The following TMEM131 variants were observed in gnomAD, a reference collection of about 807,000 sequenced individuals.
TMEM131 encodes the protein transmembrane protein 131, also known as 2610524E03Rik.
TMEM131 carries 66 observed loss-of-function variants against 211.6 expected under a neutral mutation model. That is an observed-to-expected ratio of 0.31 (90% CI 0.26 to 0.38). TMEM131 has a LOEUF of 0.38. TMEM131 is among the 10% of genes least tolerant of loss of function. The pLI is 1.00. For synonymous variants in TMEM131, 844 were observed against 841.3 expected, an observed-to-expected ratio of 1.00 and a Z score of -0.06; for missense variants, 2,036 against 2,299.3, an observed-to-expected ratio of 0.89 and a Z score of 2.34.
intron 31 of TMEM131, 40 bp from the exon 32 acceptor site, chr2:97,776,058 TTTC>T (rs1205699143): frequency 6.3e-7 from 1 of 1,579,762 alleles, no homozygotes; most frequent in Admixed American, 1.9e-5. Flanking sequence ...CTTGTTTTTG[TTTC>T]TTTTTTTTTT....
At chr2:97,850,106 AAAAAC>A in intron 5 of TMEM131, among the ~76,000 whole-genome samples, 1 of 152,220 alleles carries the variant, frequency 6.6e-6, no homozygotes, top group South Asian at 2.1e-4. Flanking sequence ...GCAGTATGAA[AAAAAC>A]AAAACAAAAC....
intron 1 of TMEM131, among the ~76,000 whole-genome samples, chr2:97,963,776 T>C (rs1443351466): frequency 6.6e-6 from 1 of 152,212 alleles, no homozygotes; most frequent in Non-Finnish European, 1.5e-5. Flanking sequence ...CCCTTTGTTG[T>C]TGTTGTTATA....
At chr2:97,820,263 T>C (rs1385728078) in intron 11 of TMEM131, among the ~76,000 whole-genome samples, 2 of 152,248 alleles carry the variant, frequency 1.3e-5, no homozygotes, top group Non-Finnish European at 2.9e-5. Context: ...TACTTATCAA[T>C]AAGTTTGCTG....
chr2:97,844,944 G>A (rs1303857917), intron 5 of TMEM131, among the ~76,000 whole-genome samples: 2 of 152,036 alleles, frequency 1.3e-5, no homozygotes, highest in Non-Finnish European at 2.9e-5. Flanking sequence ...TCTATGGCTA[G>A]AACTCTAAAA....
At chr2:97,835,820 C>A (rs1682914920) in intron 8 of TMEM131, among the ~76,000 whole-genome samples, 1 of 152,154 alleles carries the variant, frequency 6.6e-6, no homozygotes. Flanking sequence ...GAGGTCACAG[C>A]CCATTGGCTT....
chr2:97,813,652 C>T (rs1031638540), intron 15 of TMEM131, among the ~76,000 whole-genome samples: 1 of 152,126 alleles, frequency 6.6e-6, no homozygotes, highest in African/African-American at 2.4e-5. Flanking sequence ...TATTCTTTTT[C>T]TACCTATCAT....
intron 11 of TMEM131, among the ~76,000 whole-genome samples, chr2:97,832,816 A>G (rs1682771338): frequency 6.6e-6 from 1 of 152,210 alleles, no homozygotes. Context: ...CATATGGCCT[A>G]AAAGTTACTT....
At chr2:97,757,707 A>G (rs917590312) in intron 40 of TMEM131, among the ~76,000 whole-genome samples, 1 of 152,132 alleles carries the variant, frequency 6.6e-6, no homozygotes, top group Non-Finnish European at 1.5e-5. Context: ...GCTAGTTGTG[A>G]TATTTTAAAA....
chr2:97,822,271 G>A (rs1170183246), intron 11 of TMEM131, among the ~76,000 whole-genome samples: 1 of 152,122 alleles, frequency 6.6e-6, no homozygotes, highest in Non-Finnish European at 1.5e-5. Flanking sequence ...AGGGCAGGGG[G>A]ACTACCTGGA....
chr2:97,764,548 C>T (rs965371289), intron 35 of TMEM131: 4 of 152,470 alleles, frequency 2.6e-5, no homozygotes, highest in Middle Eastern at 3.4e-3. Context: ...AGGAGACAAG[C>T]TCTGCATCTC....
In TMEM131 at chr2:97,811,186, G is replaced by A. The variant is rs1255883766; in HGVS notation, c.1910C>T (p.Thr637Ile). ...GYFAVFRVKL[T>I]AKKLEGIHDG... ...ATGAATCCCCTCTAATTTTTTTGCA[G>A]TAAGTTTGACTCTGAAGACTGCAAA... Residue 637 changes from threonine (T) to isoleucine (I), a missense_variant, in exon 18 of 41, where the codon ACT becomes ATT. Coordinates refer to ENST00000186436, the MANE Select transcript of TMEM131 (RefSeq NM_015348.2). 5 of 1,613,678 alleles carry A rather than the reference G, an allele frequency of 3.1e-6. No homozygotes were observed. Among genetic ancestry groups the A allele is most frequent in the Middle Eastern group, 1.7e-4 (1 of 6,060 alleles).
chr2:97,805,170 C>T lies in TMEM131; in HGVS notation c.2320G>A (p.Glu774Lys), dbSNP rs1259377097. 14 of 1,613,886 alleles carry T rather than the reference C, an allele frequency of 8.7e-6. No homozygotes were observed. Among genetic ancestry groups the T allele is most frequent in the Non-Finnish European group, 1.2e-5 (14 of 1,179,832 alleles). Residue 774 changes from glutamate to lysine, a missense_variant, in exon 22 of 41, where the codon GAA becomes AAA. Coordinates refer to ENST00000186436, the MANE Select transcript of TMEM131 (RefSeq NM_015348.2). ...TCCCAGTCAGCATCCCACATATCTT[C>T]CTGCATGGCTACACCAGGCTGCACT... ...PKVQPGVAMQ[E>K]DMWDADWDLH...
intron 4 of TMEM131, among the ~76,000 whole-genome samples, chr2:97,883,086 G>A (rs972451405): frequency 1.3e-5 from 2 of 152,144 alleles, no homozygotes; most frequent in Non-Finnish European, 1.5e-5. Flanking sequence ...AAAGGGGACA[G>A]TAGCTCTATG....
intron 32 of TMEM131, among the ~76,000 whole-genome samples, chr2:97,773,420 T>C (rs1367066666): frequency 6.6e-6 from 1 of 152,172 alleles, no homozygotes. Context: ...TACTGGCCAC[T>C]GCAGCAGCAC....
chr2:97,916,885 G>A (rs977410107), intron 2 of TMEM131, among the ~76,000 whole-genome samples: 1 of 152,088 alleles, frequency 6.6e-6, no homozygotes, highest in African/African-American at 2.4e-5. Context: ...GAATTTAGAA[G>A]AGTACCTGAC....
intron 31 of TMEM131, among the ~76,000 whole-genome samples, chr2:97,782,991 T>A (rs1680086068): frequency 1.4e-5 from 2 of 144,264 alleles, no homozygotes. Flanking sequence ...AGAGCAAACC[T>A]CAAAAAGGGT....
chr2:97,873,850 C>T (rs184231051), intron 4 of TMEM131, among the ~76,000 whole-genome samples: 1 of 152,126 alleles, frequency 6.6e-6, no homozygotes, highest in African/African-American at 2.4e-5. Flanking sequence ...AGCAAGGGAA[C>T]AAAACTGGAT....
chr2:97,959,635 A>G (rs1678730471), intron 1 of TMEM131, among the ~76,000 whole-genome samples: 1 of 152,100 alleles, frequency 6.6e-6, no homozygotes, highest in Admixed American at 6.6e-5. Flanking sequence ...ACTTCCCAGT[A>G]AATACTTTCA....
At position 97,756,998 on chromosome 2, in the gene TMEM131, G is replaced by C. The variant is rs1573305032; in HGVS notation, c.*101C>G. On this transcript the variant is annotated 3_prime_UTR_variant, in exon 41 of 41. Transcript: ENST00000186436. ...TCTGTTTTGCAAAGAAGAGGAGGGT[G>C]GGGAGGGGAGCTGCAGTAAGAGCCT... The C allele has an allele frequency of 5.1e-6, 7 of 1,386,090 alleles. No homozygotes were observed. In the East Asian group the frequency reaches 1.8e-4, roughly 35 times the overall value. 85.9% of individuals were successfully genotyped at this position (1,386,090 alleles called of 1,614,324 possible).
Sources: allele counts gnomAD v4.1 joint callset (sites outside exome capture counted in the v4.1 genomes callset), GRCh38; gene constraint gnomAD v4.1.1; transcripts MANE v1.5; gene names NCBI Gene and HGNC (gene_info 2026-07-23, HGNC 2026-07-21).